The following HELZ variants were observed in gnomAD, a reference collection of about 807,000 sequenced individuals.
The protein encoded by HELZ is helicase with zinc finger, also known as ATP-dependent RNA helicase with zinc finger domain.
HELZ carries 23 observed loss-of-function variants against 218.2 expected under a neutral mutation model. The ratio of observed to expected loss-of-function variants is 0.11; its 90% CI spans 0.08 to 0.15. HELZ has a LOEUF of 0.15. Among genes scored for constraint, HELZ ranks in the 10% least tolerant of loss-of-function variants. The pLI is 1.00. For missense variants in HELZ, 1,813 were observed against 2,353.7 expected (o/e 0.77, Z 4.75); for synonymous variants, 814 against 829.4 (o/e 0.98, Z 0.32).
intron 21 of HELZ, among the ~76,000 whole-genome samples, chr17:67,145,152 C>A (rs941354818): frequency 1.3e-5 from 2 of 152,206 alleles, no homozygotes; most frequent in African/African-American, 4.8e-5. Context: ...TCAACTCCCT[C>A]CTGACGGACA....
chr17:67,154,785 C>T (rs1414849932), intron 17 of HELZ, among the ~76,000 whole-genome samples: 3 of 152,134 alleles, frequency 2.0e-5, no homozygotes, highest in Non-Finnish European at 4.4e-5. Flanking sequence ...ATAATCTAGA[C>T]TTGGCAGAAG....
intron 32 of HELZ, among the ~76,000 whole-genome samples, chr17:67,085,564 A>T (rs77932749): frequency 3.5e-5 from 5 of 142,478 alleles, no homozygotes; most frequent in African/African-American, 1.1e-4. Flanking sequence ...GTTTTTTTTT[A>T]ATTTTTTTTA....
intron 32 of HELZ, among the ~76,000 whole-genome samples, chr17:67,083,822 T>G (rs1230141225): frequency 2.6e-5 from 4 of 152,192 alleles, no homozygotes; most frequent in African/African-American, 9.7e-5. Context: ...TTGCACAGAA[T>G]CTAGTTTCAT....
Position 67,078,530 on chromosome 17 carries a change from C to A in HELZ, c.5551G>T (p.Val1851Leu). Residue 1851 changes from valine to leucine, a missense_variant, in exon 33 of 33, where the codon GTG (valine) becomes TTG (leucine). By Grantham distance (32) the Val-to-Leu change is conservative (BLOSUM62 1). Coordinates refer to ENST00000358691, the MANE Select transcript of HELZ (RefSeq NM_014877.4). ...ACACTGTAGTTGAAGGAACTGGACA[C>A]CTCGAGGTTCTCCGACTTCAGTTGA... ...EDQLKSENLE[V>L]SSSFNYSVLQ... 1 of 1,500,850 alleles carries A rather than the reference C, an allele frequency of 6.7e-7. No homozygotes were observed. The highest frequency in any genetic ancestry group is 8.9e-7 in the Non-Finnish European group (1 of 1,126,116). The allele number at this position is 1,500,850 out of a possible 1,614,324, so 93.0% of individuals were successfully genotyped here. A position where few individuals can be genotyped will look rare whatever the true frequency, so the allele number is the denominator to read the frequency against.
Position 67,072,007 on chromosome 17 carries a change from T to TC in HELZ, c.*6244dup, listed in dbSNP as rs5821489. On this transcript the variant is annotated 3_prime_UTR_variant, in exon 33 of 33. Transcript: ENST00000358691. ...AACAAATCCTTTGCCCTCACCACCC[T>TC]CCCCCACAAAAAAAAAAAATAATAA... 97,476 of 150,024 alleles carry TC rather than the reference T, an allele frequency of 0.65. 32,272 individuals are homozygous for TC. The highest frequency in any genetic ancestry group is 0.88 in the East Asian group (4,463 of 5,092). The allele number at this position is 150,024 out of a possible 1,614,324, so 9.3% of individuals were successfully genotyped here. A position where few individuals can be genotyped will look rare whatever the true frequency, so the allele number is the denominator to read the frequency against.
At chr17:67,224,582 G>A in intron 3 of HELZ, 2 of 461,756 alleles carry the variant, frequency 4.3e-6, no homozygotes, top group Non-Finnish European at 8.0e-6. Flanking sequence ...TAATAACAAT[G>A]ATCATGTTAT....
Position 67,203,341 on chromosome 17 carries a change from T to C in HELZ, c.350A>G (p.Lys117Arg), listed in dbSNP as rs2040216925. 7 of 1,614,148 alleles carry C rather than the reference T, an allele frequency of 4.3e-6. No individual in the cohort carries two copies. The highest frequency in any genetic ancestry group is 5.1e-6 in the Non-Finnish European group (6 of 1,180,006). ...TACCAGGGACTCTCCTGTGAGTGACTTGGCAAGAATGGTGGATACAGGTTG... is the reference window on the plus strand; with the variant it reads ...TACCAGGGACTCTCCTGTGAGTGACCTGGCAAGAATGGTGGATACAGGTTG... ...KLQPVSTILA[K>R]SLTGESLNGM... The change falls in exon 6 of 33, where the codon AAG becomes AGG. Residue 117 changes from lysine (K) to arginine (R), a missense_variant. Physicochemically the swap from Lys to Arg is conservative, Grantham distance 26. Coordinates refer to ENST00000358691, the MANE Select transcript of HELZ (RefSeq NM_014877.4).
At chr17:67,121,381 A>C (rs1436368349) in intron 26 of HELZ, among the ~76,000 whole-genome samples, 1 of 152,248 alleles carries the variant, frequency 6.6e-6, no homozygotes, top group Non-Finnish European at 1.5e-5. Context: ...TATTTAAAGC[A>C]GATGATGTAT....
intron 13 of HELZ, among the ~76,000 whole-genome samples, chr17:67,168,543 C>T (rs2039216842): frequency 6.6e-6 from 1 of 152,202 alleles, no homozygotes; most frequent in Non-Finnish European, 1.5e-5. Flanking sequence ...AAACCAATTA[C>T]TTTCCAAGTA....
intron 21 of HELZ, among the ~76,000 whole-genome samples, chr17:67,140,624 G>A (rs759293274): frequency 6.6e-6 from 1 of 152,114 alleles, no homozygotes; most frequent in Non-Finnish European, 1.5e-5. Flanking sequence ...TCTGATGGGA[G>A]AACAGGAGGA....
At position 67,149,834 on chromosome 17, in the gene HELZ, T is replaced by G. The variant is rs183072644; in HGVS notation, c.2475+33A>C. 5,074 of 1,204,526 alleles carry G rather than the reference T, an allele frequency of 4.2e-3. 22 individuals are homozygous for G. Among genetic ancestry groups the G allele is most frequent in the Non-Finnish European group, 5.1e-3 (4,230 of 831,458 alleles). 74.6% of individuals were successfully genotyped at this position (1,204,526 alleles called of 1,614,324 possible). ...TAAACATCAAAATATAATTAAAAGTTACTTTCAACACAGCAACTCAGAGGG... is the reference window on the plus strand; with the variant it reads ...TAAACATCAAAATATAATTAAAAGTGACTTTCAACACAGCAACTCAGAGGG... On this transcript the variant is annotated intron_variant, in intron 19 of 32. Coordinates refer to ENST00000358691, the MANE Select transcript of HELZ (RefSeq NM_014877.4).
In HELZ at chr17:67,161,031, T is replaced by C. The variant is rs368673357; in HGVS notation, c.1941A>G (p.Lys647=). 1.7e-5 allele frequency: 27 copies of C among 1,613,050 alleles called. No homozygotes were observed. Among genetic ancestry groups the C allele is most frequent in the South Asian group, 2.2e-5 (2 of 90,840 alleles). ...GAGTGGTAATGGCCAGAACAGCCTC[T>C]TTCTGTTTTGCATTTAGTCGAGGAT... ...QLDPRLNAKQ[K]EAVLAITTPL... Residue 647 remains lysine (K), a synonymous_variant, in exon 16 of 33, where the codon AAA becomes AAG. Coordinates refer to ENST00000358691, the MANE Select transcript of HELZ (RefSeq NM_014877.4).
chr17:67,168,584 A>G (rs1013069043), intron 13 of HELZ, among the ~76,000 whole-genome samples: 1 of 152,216 alleles, frequency 6.6e-6, no homozygotes, highest in African/African-American at 2.4e-5. Flanking sequence ...GCCATAAAAT[A>G]TCTCTTTCAA....
In HELZ at chr17:67,078,627, C is replaced by T. The variant is rs749716644; in HGVS notation, c.5495-41G>A. The T allele has an allele frequency of 2.2e-6, 3 of 1,354,136 alleles. No individual in the cohort carries two copies. The Admixed American group carries it at 8.0e-5, about 36-fold the overall frequency. The allele number at this position is 1,354,136 out of a possible 1,614,324, so 83.9% of individuals were successfully genotyped here. A position where few individuals can be genotyped will look rare whatever the true frequency, so the allele number is the denominator to read the frequency against. On this transcript the variant is annotated intron_variant, in intron 32 of 32. Coordinates refer to ENST00000358691, the MANE Select transcript of HELZ (RefSeq NM_014877.4). The stretch of plus-strand genomic sequence containing the variant: ...AGTGACACAGATTTAAGGATGAGCC[C>T]AGCAATGTTCATGTGCCTCATTCAC...
In HELZ at chr17:67,123,028, C is replaced by T. The variant is rs1288897167; in HGVS notation, c.3572G>A (p.Ser1191Asn). The stretch of plus-strand genomic sequence containing the variant: ...ATAGACAGCAGGTACATAAAGAATA[C>T]TTGTCCCAGTGTGAGGATCTATTCT... ...VQRIDPHTGT[S>N]ILYVPAVYGG... The change falls in exon 26 of 33, where the codon AGT (serine) becomes AAT (asparagine). Residue 1191 changes from serine to asparagine, a missense_variant. This residue lies in a region of HELZ where 938 missense variants were observed against 1,027.5 expected (regional missense o/e 0.91). Coordinates refer to ENST00000358691, the MANE Select transcript of HELZ (RefSeq NM_014877.4). 6.2e-7 allele frequency: 1 copy of T among 1,613,708 alleles called. No homozygotes were observed. Among genetic ancestry groups the T allele is most frequent in the Non-Finnish European group, 8.5e-7 (1 of 1,179,676 alleles).
At position 67,077,897 on chromosome 17, in the gene HELZ, T is replaced by C. The variant is rs2036061054; in HGVS notation, c.*355A>G. On this transcript the variant is annotated 3_prime_UTR_variant, in exon 33 of 33. Transcript: ENST00000358691. ...ATAAATGTAAATGCTACTTACAATT[T>C]TTTTTTCTTTTTAAATACATTTTAG... is the stretch of plus-strand genomic sequence containing the variant. 6.4e-6 allele frequency: 1 copy of C among 155,998 alleles called. No homozygotes were observed. Among genetic ancestry groups the C allele is most frequent in the Non-Finnish European group, 1.4e-5 (1 of 70,730 alleles). 9.7% of individuals were successfully genotyped at this position (155,998 alleles called of 1,614,324 possible).
rs913869510 is a variant in HELZ, at chr17:67,105,862, G to A, written c.5241+1307C>T. ...TGTTTTAATGACAGCTATACAGAATGAGCCAATCAATGAATACTGGGACAA... is the reference window on the plus strand; with the variant it reads ...TGTTTTAATGACAGCTATACAGAATAAGCCAATCAATGAATACTGGGACAA... On this transcript the variant is annotated intron_variant, in intron 31 of 32. Coordinates refer to ENST00000358691, the MANE Select transcript of HELZ (RefSeq NM_014877.4). 6.6e-5 allele frequency among the ~76,000 whole-genome samples: 10 copies of A among 152,164 alleles called. No individual in the cohort carries two copies. In the East Asian group the frequency reaches 1.5e-3, roughly 23 times the overall value.
At chr17:67,116,169 G>A (rs924540262) in intron 27 of HELZ, among the ~76,000 whole-genome samples, 8 of 151,056 alleles carry the variant, frequency 5.3e-5, no homozygotes, top group African/African-American at 1.7e-4. Flanking sequence ...ATAAAACAAA[G>A]AGTTGTCACT....
chr17:67,220,129 T>A (rs2040706171), intron 3 of HELZ, among the ~76,000 whole-genome samples: 1 of 152,204 alleles, frequency 6.6e-6, no homozygotes, highest in African/African-American at 2.4e-5. Flanking sequence ...CCTACATATA[T>A]GTTCTCTGCC....
Sources: gnomAD v4.1 joint callset for allele counts (sites outside exome capture counted in the v4.1 genomes callset) on GRCh38, gnomAD v4.1.1 for gene constraint, gnomAD v4.1.1 regional missense constraint, MANE v1.5 for transcripts, NCBI Gene and HGNC (gene_info 2026-07-23, HGNC 2026-07-21) for gene names.